OSBPL5: variants seen among roughly 807,000 people sequenced by gnomAD.
OSBPL5 encodes oxysterol binding protein like 5.
OSBPL5 carries 71 observed loss-of-function variants against 111.2 expected under a neutral mutation model. The observed-to-expected ratio is 0.64, with a 90% CI of 0.53 to 0.78. The LOEUF (loss-of-function observed/expected upper bound fraction) is 0.78. OSBPL5 is among the 30% of genes least tolerant of loss of function. The pLI, the probability that OSBPL5 is intolerant of heterozygous loss-of-function variation, is 0.00. For missense variants in OSBPL5, 1,210 were observed against 1,189.3 expected, an observed-to-expected ratio of 1.02 and a Z score of -0.26; for synonymous variants, 549 against 513.9, an observed-to-expected ratio of 1.07 and a Z score of -0.93.
At chr11:3,112,027 G>GTGTA (rs1857978995) in intron 7 of OSBPL5, among the ~76,000 whole-genome samples, 1 of 9,616 alleles carries the variant, frequency 1.0e-4, no homozygotes, top group African/African-American at 5.0e-4. Flanking sequence ...GTGTGTGCAT[G>GTGTA]TGTGTGTATG....
chr11:3,103,948 C>A (rs1857608245), intron 10 of OSBPL5, among the ~76,000 whole-genome samples: 1 of 149,808 alleles, frequency 6.7e-6, no homozygotes, highest in Non-Finnish European at 1.5e-5. Flanking sequence ...CTCGAGGGTG[C>A]AGGGCTCAGG....
intron 7 of OSBPL5, among the ~76,000 whole-genome samples, chr11:3,108,228 C>T (rs1193752947): frequency 1.3e-5 from 2 of 152,152 alleles, no homozygotes; most frequent in East Asian, 1.9e-4. Flanking sequence ...GGAGGCAGCC[C>T]TGCAGAGGCA....
chr11:3,093,735 C>T lies in OSBPL5; in HGVS notation c.1809+11G>A, dbSNP rs768241471. On this transcript the variant is annotated intron_variant, in intron 16 of 21. Transcript: ENST00000263650. Reference sequence around the variant, plus strand: ...GCCCGGCCGTGCCTGCCCTGAGGGACGGCCCCTTACCCAGTGGCCACTGAG... The same window carrying T: ...GCCCGGCCGTGCCTGCCCTGAGGGATGGCCCCTTACCCAGTGGCCACTGAG... 2.2e-5 allele frequency: 36 copies of T among 1,612,690 alleles called. 1 individual carries two copies. Among genetic ancestry groups the T allele is most frequent in the Middle Eastern group, 3.3e-4 (2 of 6,084 alleles).
chr11:3,158,944 T>TG (rs1236293894), intron 1 of OSBPL5, among the ~76,000 whole-genome samples: 2 of 151,672 alleles, frequency 1.3e-5, no homozygotes, highest in Non-Finnish European at 2.9e-5. Flanking sequence ...CCCGCAGGTG[T>TG]GGGGGTTGCG....
chr11:3,148,184 G>C (rs1331130443), intron 1 of OSBPL5, among the ~76,000 whole-genome samples: 1 of 152,240 alleles, frequency 6.6e-6, no homozygotes, highest in African/African-American at 2.4e-5. Flanking sequence ...CCGGGGAGCA[G>C]GTCGGAAACC....
In OSBPL5 at chr11:3,094,270, G is replaced by A; in HGVS notation, c.1686C>T (p.Asn562=). Residue 562 remains asparagine, a synonymous_variant, in exon 15 of 22, where the codon AAC becomes AAT. Coordinates refer to ENST00000263650, the MANE Select transcript of OSBPL5 (RefSeq NM_020896.4). ...TGAATTCCAGCTGGGCCTGGAAGTTGTTCTTCGCACACTCGATGGTGACCT... is the reference window on the plus strand; with the variant it reads ...TGAATTCCAGCTGGGCCTGGAAGTTATTCTTCGCACACTCGATGGTGACCT... ...GGKVTIECAK[N]NFQAQLEFKL... 6.2e-7 allele frequency: 1 copy of A among 1,613,666 alleles called. No homozygotes were observed. Among genetic ancestry groups the A allele is most frequent in the Non-Finnish European group, 8.5e-7 (1 of 1,179,994 alleles).
In OSBPL5 at chr11:3,089,916, C is replaced by T; in HGVS notation, c.2431G>A (p.Glu811Lys). 6.4e-7 allele frequency: 1 copy of T among 1,563,962 alleles called. No homozygotes were observed. The change falls in exon 21 of 22, where the codon GAG (glutamate) becomes AAG (lysine). Residue 811 changes from glutamate (E) to lysine (K), a missense_variant. Glu to Lys is a moderately conservative substitution (Grantham distance 56). Transcript: ENST00000263650. ...TGCAGGGCCTGCAGCCGCCGCGCCT[C>T]CTTCCTGCACCGAGGGCATGGGCTC... ...GESPCPRCRK[E>K]ARRLQALHEA...
intron 10 of OSBPL5, among the ~76,000 whole-genome samples, chr11:3,103,877 TCTGTAGCCCCATTCCTGC>T (rs1857596988): frequency 2.1e-4 from 4 of 19,028 alleles, no homozygotes; most frequent in African/African-American, 6.4e-4. Flanking sequence ...CCTTCCTGCC[TCTGTAGCCCCATTCCTGC>T]CTCTGCAGCC....
intron 3 of OSBPL5, among the ~76,000 whole-genome samples, chr11:3,125,049 G>A (rs550181489): frequency 7.2e-5 from 11 of 152,176 alleles, no homozygotes; most frequent in Admixed American, 1.3e-4. Context: ...GAGAGTGCCT[G>A]CCCACTCCTC....
At chr11:3,108,786 G>A (rs981071286) in intron 7 of OSBPL5, among the ~76,000 whole-genome samples, 8 of 151,732 alleles carry the variant, frequency 5.3e-5, no homozygotes, top group African/African-American at 1.9e-4. Flanking sequence ...TGTTTGTTTT[G>A]AGATGGGGTT....
intron 7 of OSBPL5, among the ~76,000 whole-genome samples, chr11:3,116,262 T>C (rs1858205050): frequency 6.6e-6 from 1 of 152,226 alleles, no homozygotes; most frequent in African/African-American, 2.4e-5. Flanking sequence ...ATAATTGTTA[T>C]GTTAAATTAT....
At position 3,113,338 on chromosome 11, in the gene OSBPL5, G is replaced by A. The variant is rs536860483; in HGVS notation, c.692-5393C>T. On this transcript the variant is annotated intron_variant, in intron 7 of 21. Transcript: ENST00000263650. The surrounding 1 kb of genome is among the most constrained non-coding windows in gnomAD (Gnocchi z 4.8). ...TGTCAAAATTTGGCATAGGAGTTAC[G>A]AAACTATAAACCCAGCCCAAGACAG... 4.3e-4 allele frequency among the ~76,000 whole-genome samples: 65 copies of A among 152,114 alleles called. No homozygotes were observed. The highest frequency in any genetic ancestry group is 2.1e-3 in the South Asian group (10 of 4,818).
intron 14 of OSBPL5, among the ~76,000 whole-genome samples, chr11:3,095,188 G>T (rs1857211151): frequency 6.6e-6 from 1 of 151,878 alleles, no homozygotes; most frequent in Non-Finnish European, 1.5e-5. Flanking sequence ...TCTCTGTGCA[G>T]CTCTGATGGG....
intron 14 of OSBPL5, chr11:3,094,545 T>C (rs1857189382): frequency 4.0e-6 from 1 of 247,122 alleles, no homozygotes; most frequent in Non-Finnish European, 7.1e-6. Flanking sequence ...GTGCGGAGCC[T>C]GGGAGGTGCG....
Position 3,129,023 on chromosome 11 carries a change from T to A in OSBPL5, c.126A>T (p.Pro42=). 1 of 1,576,296 alleles carries A rather than the reference T, an allele frequency of 6.3e-7. No homozygotes were observed. The highest frequency in any genetic ancestry group is 8.6e-7 in the Non-Finnish European group (1 of 1,162,272). ...ACGGCCGGCACTTACCTGGGCTGAG[T>A]GGGTAGAGCTCATTGTCTCCGCTGA... ...LLLSGDNELY[P]LSPGKDMEPN... The change falls in exon 2 of 22, where the codon CCA becomes CCT. Residue 42 remains proline, a synonymous_variant. Transcript: ENST00000263650.
At chr11:3,128,844 G>A (rs1858726382) in intron 2 of OSBPL5, among the ~76,000 whole-genome samples, 169 bp downstream of exon 2, 1 of 152,100 alleles carries the variant, frequency 6.6e-6, no homozygotes, top group Admixed American at 6.5e-5. Flanking sequence ...CCAAGAAGCC[G>A]TATTACCTGG....
intron 1 of OSBPL5, among the ~76,000 whole-genome samples, chr11:3,163,021 C>G (rs1847011620): frequency 6.6e-6 from 1 of 152,038 alleles, no homozygotes; most frequent in Non-Finnish European, 1.5e-5. Flanking sequence ...GGCTCCCTCC[C>G]CGACAGCTCC....
In OSBPL5 at chr11:3,120,045, A is replaced by T. The variant is rs924318100; in HGVS notation, c.606+376T>A. The T allele has an allele frequency of 1.9e-5, 8 of 421,660 alleles. No individual in the cohort carries two copies. In the South Asian group the frequency reaches 2.5e-4, roughly 13 times the overall value. The allele number at this position is 421,660 out of a possible 1,614,324, so 26.1% of individuals were successfully genotyped here. A position where few individuals can be genotyped will look rare whatever the true frequency, so the allele number is the denominator to read the frequency against. ...GTTTCTCTGAAATCCAAATGTAACC[A>T]GGTGTTCAGGGTTTCTCTGGTTTCC... is the stretch of plus-strand genomic sequence containing the variant. On this transcript the variant is annotated intron_variant, in intron 6 of 21. Transcript: ENST00000263650.
At chr11:3,112,650 A>G (rs1035656230) in intron 7 of OSBPL5, among the ~76,000 whole-genome samples, 4 of 152,052 alleles carry the variant, frequency 2.6e-5, no homozygotes, top group Non-Finnish European at 5.9e-5. Flanking sequence ...CTTTCTGGAG[A>G]CCTAGGATTC....
Sources: allele counts gnomAD v4.1 joint callset (sites outside exome capture counted in the v4.1 genomes callset), GRCh38; gene constraint gnomAD v4.1.1; non-coding constraint Gnocchi (gnomAD v3.1); transcripts MANE v1.5; gene names NCBI Gene and HGNC (gene_info 2026-07-23, HGNC 2026-07-21).